The following PDE1A variants were observed in gnomAD, a reference collection of about 807,000 sequenced individuals.
PDE1A encodes phosphodiesterase 1A, also known as dual specificity calcium/calmodulin-dependent 3',5'-cyclic nucleotide phosphodiesterase 1A.
In PDE1A, 35 loss-of-function variants were observed where a neutral mutation model predicts 61.7. That is an observed-to-expected ratio of 0.57 (90% CI 0.43 to 0.75). The LOEUF is 0.75. Ranked by LOEUF, PDE1A falls within the 30% of genes least tolerant of loss-of-function variation. PDE1A has a pLI of 0.00. For missense variants in PDE1A, 597 were observed against 630.6 expected, an observed-to-expected ratio of 0.95 and a Z score of 0.57; for synonymous variants, 232 against 213.2, an observed-to-expected ratio of 1.09 and a Z score of -0.77.
At chr2:182,234,819 A>G (rs1352579045) in intron 3 of PDE1A, among the ~76,000 whole-genome samples, 1 of 152,224 alleles carries the variant, frequency 6.6e-6, no homozygotes, top group East Asian at 1.9e-4. Context: ...CTAACATGCC[A>G]CCATATCCCT....
At chr2:182,208,098 AG>A (rs1279794744) in intron 7 of PDE1A, among the ~76,000 whole-genome samples, 2 of 152,142 alleles carry the variant, frequency 1.3e-5, no homozygotes, top group East Asian at 3.9e-4. Flanking sequence ...GGCAGTGTGG[AG>A]GGGAAATGTG....
chr2:182,261,438 G>A (rs554674756), intron 2 of PDE1A, among the ~76,000 whole-genome samples: 134 of 151,950 alleles, frequency 8.8e-4, no homozygotes, highest in Non-Finnish European at 1.6e-3. Context: ...ACAAATGTGG[G>A]GTATTATTAT....
At chr2:182,364,478 A>C (rs1299178289) in intron 1 of PDE1A, among the ~76,000 whole-genome samples, 1 of 139,410 alleles carries the variant, frequency 7.2e-6, no homozygotes, top group Non-Finnish European at 1.6e-5. Flanking sequence ...AAAAAAAAAA[A>C]AAAAAAAAAA....
intron 1 of PDE1A, among the ~76,000 whole-genome samples, chr2:182,407,156 C>T (rs946867243): frequency 2.6e-5 from 4 of 152,050 alleles, no homozygotes; most frequent in African/African-American, 9.7e-5. Flanking sequence ...TATGAAATCC[C>T]ATTTCATAAT....
intron 7 of PDE1A, among the ~76,000 whole-genome samples, chr2:182,218,404 A>C (rs1688419007): frequency 7.4e-6 from 1 of 135,874 alleles, no homozygotes; most frequent in African/African-American, 2.8e-5. Context: ...ATGTTCCCTA[A>C]AACTTAAAGT....
intron 1 of PDE1A, among the ~76,000 whole-genome samples, chr2:182,334,265 G>GACAC (rs746376417): frequency 1.5e-4 from 23 of 149,150 alleles, no homozygotes; most frequent in South Asian, 6.4e-4. Flanking sequence ...AACCCTGGAA[G>GACAC]AGACACACAC....
the PDE1A span, among the ~76,000 whole-genome samples, chr2:182,650,630 AATAACAGTT>A: frequency 1.3e-5 from 2 of 152,242 alleles, no homozygotes; most frequent in African/African-American, 4.8e-5. Context: ...CAGTAGTAGT[AATAACAGTT>A]ATACAAGGTA....
the PDE1A span, among the ~76,000 whole-genome samples, chr2:182,577,968 GGAAGGAAGGAAGGAAGGA>G: frequency 2.2e-4 from 33 of 148,956 alleles, no homozygotes; most frequent in African/African-American, 6.8e-4. Context: ...AAGGAAGGAA[GGAAGGAAGGAAGGAAGGA>G]AGGAAGGGAC....
At position 182,186,470 on chromosome 2, in the gene PDE1A, GC is replaced by G; in HGVS notation, c.1325del (p.Ser442ThrfsTer15). 6.2e-7 allele frequency: 1 copy of G among 1,611,460 alleles called. No homozygotes were observed. On this transcript the variant is annotated frameshift_variant, in exon 12 of 14. Coordinates refer to ENST00000351439, the Ensembl canonical transcript of PDE1A. LOFTEE classifies it high-confidence loss of function. Reference sequence around the variant, plus strand: ...ATGCAAAAAAGAAAATATCATACCTGCTTGCCACATAGGAAGAAGTTTCGGC... The same window carrying G: ...ATGCAAAAAAGAAAATATCATACCTGTTGCCACATAGGAAGAAGTTTCGGC...
chr2:182,442,414 GA>G lies in PDE1A; in HGVS notation c.101+79861del, dbSNP rs140870668. ...TTAGATTTCCTTCTACATTAGGAAT[GA>G]CATAGATATAAAAGACTATTGGGAC... On this transcript the variant is annotated intron_variant, in intron 2 of 14. Coordinates refer to the PDE1A transcript ENST00000410103. Among the ~76,000 whole-genome samples, 565 of 152,108 alleles carry G rather than the reference GA, an allele frequency of 3.7e-3. 1 individual carries two copies. Among genetic ancestry groups the G allele is most frequent in the African/African-American group, 0.013 (536 of 41,540 alleles).
intron 1 of PDE1A, among the ~76,000 whole-genome samples, chr2:182,268,231 A>G (rs2125805405): frequency 6.6e-6 from 1 of 152,184 alleles, no homozygotes; most frequent in African/African-American, 2.4e-5. Flanking sequence ...TGTGTTTGGT[A>G]GCAAACCAAG....
intron 1 of PDE1A, among the ~76,000 whole-genome samples, chr2:182,423,956 T>TC (rs1045634545): frequency 4.1e-4 from 61 of 150,572 alleles, no homozygotes; most frequent in African/African-American, 1.3e-3. Flanking sequence ...CCTTTTTTTT[T>TC]TTTTTTTTGA....
intron 10 of PDE1A, among the ~76,000 whole-genome samples, chr2:182,200,325 A>G (rs1686511314): frequency 6.6e-6 from 1 of 152,162 alleles, no homozygotes; most frequent in Non-Finnish European, 1.5e-5. Context: ...ACATGATTAG[A>G]AAGTTGGAAC....
rs550154756 is a variant in PDE1A, at chr2:182,498,737, G to A, written c.101+23539C>T. Reference sequence around the variant, plus strand: ...AGGCAGGCAGATCATGAGGTTAGGAGATCGAGACCATCCTGGCTAACACGG... The same window carrying A: ...AGGCAGGCAGATCATGAGGTTAGGAAATCGAGACCATCCTGGCTAACACGG... On this transcript the variant is annotated intron_variant, in intron 2 of 14. Coordinates refer to the PDE1A transcript ENST00000410103. Among the ~76,000 whole-genome samples the A allele has an allele frequency of 9.2e-5, 14 of 152,036 alleles. No homozygotes were observed. The South Asian group carries it at 2.7e-3, about 29-fold the overall frequency.
the PDE1A span, among the ~76,000 whole-genome samples, chr2:182,558,277 T>C: frequency 6.6e-6 from 1 of 151,938 alleles, no homozygotes; most frequent in Non-Finnish European, 1.5e-5. Flanking sequence ...TCTACAAATA[T>C]TTTAATTATG....
intron 1 of PDE1A, among the ~76,000 whole-genome samples, chr2:182,270,407 G>A (rs960990590): frequency 6.6e-6 from 1 of 152,034 alleles, no homozygotes; most frequent in Non-Finnish European, 1.5e-5. Context: ...CTAAGCTACC[G>A]TTACATAACC....
chr2:182,291,260 T>C (rs1390112115), intron 1 of PDE1A, among the ~76,000 whole-genome samples: 1 of 152,240 alleles, frequency 6.6e-6, no homozygotes, highest in Non-Finnish European at 1.5e-5. Flanking sequence ...AACTCTTCAG[T>C]CTTCCTATTG....
upstream of PDE1A, among the ~76,000 whole-genome samples, chr2:182,523,389 A>G (rs1690670396): frequency 6.6e-6 from 1 of 152,072 alleles, no homozygotes; most frequent in Admixed American, 6.6e-5. Context: ...GTGGACATAA[A>G]AGGAATCAGA....
At chr2:182,398,793 C>A (rs1008504875) in intron 1 of PDE1A, among the ~76,000 whole-genome samples, 1 of 151,944 alleles carries the variant, frequency 6.6e-6, no homozygotes, top group Non-Finnish European at 1.5e-5. Flanking sequence ...TGGCTTGAAT[C>A]CTGTAGATAC....
Sources: gnomAD v4.1 joint callset for allele counts (sites outside exome capture counted in the v4.1 genomes callset) on GRCh38, gnomAD v4.1.1 for gene constraint, MANE v1.5 for transcripts, NCBI Gene and HGNC (gene_info 2026-07-23, HGNC 2026-07-21) for gene names.